BBS9: variants seen among roughly 807,000 people sequenced by gnomAD.
BBS9 encodes Bardet-Biedl syndrome 9.
Under a neutral mutation model 117.7 loss-of-function variants are expected in BBS9, and 89 were observed. The observed-to-expected ratio is 0.76, with a 90% confidence interval of 0.64 to 0.90. BBS9 has a LOEUF of 0.90. Ranked by LOEUF, BBS9 falls within the 40% of genes least tolerant of loss-of-function variation. The probability of loss-of-function intolerance (pLI) is 0.00; values close to 1 mark genes in which losing one functional copy is unlikely to be tolerated. For synonymous variants in BBS9, 379 were observed against 370.9 expected (o/e 1.02, Z -0.25); for missense variants, 982 against 1,042.2 (o/e 0.94, Z 0.80).
chr7:33,438,135 C>A (rs961633293), intron 19 of BBS9, among the ~76,000 whole-genome samples: 2 of 152,026 alleles, frequency 1.3e-5, no homozygotes, highest in African/African-American at 2.4e-5. Context: ...AATTGGCTAT[C>A]TATATATAAA....
chr7:33,299,510 T>C (rs1805939523), intron 9 of BBS9, among the ~76,000 whole-genome samples: 1 of 150,344 alleles, frequency 6.7e-6, no homozygotes, highest in African/African-American at 2.4e-5. Context: ...CTTATTATGA[T>C]AATGTTCTCT....
intron 5 of BBS9, among the ~76,000 whole-genome samples, chr7:33,249,158 T>G (rs1359273844): frequency 6.6e-6 from 1 of 151,976 alleles, no homozygotes; most frequent in Non-Finnish European, 1.5e-5. Context: ...GAGGCCCTTG[T>G]TGCCATAATA....
intron 18 of BBS9, among the ~76,000 whole-genome samples, chr7:33,386,065 G>A (rs1825949866): frequency 6.6e-6 from 1 of 151,956 alleles, no homozygotes; most frequent in Non-Finnish European, 1.5e-5. Context: ...CACCGACATG[G>A]CACATGTATA....
In BBS9 at chr7:33,181,096, G is replaced by A. The variant is rs183126710; in HGVS notation, c.442+3505G>A. ...GTGAGTGGGTCCTATCTGCGATTCC[G>A]TGGTCACCTCATATGGCTTAGGGAG... On this transcript the variant is annotated intron_variant, in intron 5 of 22. Transcript: ENST00000242067. 4.6e-5 allele frequency among the ~76,000 whole-genome samples: 7 copies of A among 152,240 alleles called. No individual in the cohort carries two copies. The East Asian group carries it at 5.8e-4, about 13-fold the overall frequency.
At chr7:33,565,189 G>T (rs1314572447) in intron 21 of BBS9, among the ~76,000 whole-genome samples, 1 of 152,106 alleles carries the variant, frequency 6.6e-6, no homozygotes, top group East Asian at 1.9e-4. Flanking sequence ...AATCTTCATT[G>T]TCTTCTGTCC....
intron 20 of BBS9, among the ~76,000 whole-genome samples, chr7:33,527,867 A>G (rs1849887707): frequency 6.6e-6 from 1 of 152,196 alleles, no homozygotes; most frequent in Admixed American, 6.5e-5. Context: ...CAAGCAAATA[A>G]TATTTGGAAA....
chr7:33,308,539 G>A (rs911285960), intron 9 of BBS9, among the ~76,000 whole-genome samples: 13 of 152,174 alleles, frequency 8.5e-5, no homozygotes, highest in African/African-American at 2.9e-4. Context: ...ACGGTCTGAT[G>A]TTTGGCAGCT....
At chr7:33,612,025 G>A (rs553657357) in intron 21 of BBS9, among the ~76,000 whole-genome samples, 2 of 151,324 alleles carry the variant, frequency 1.3e-5, no homozygotes, top group South Asian at 4.2e-4. Context: ...CAGTGGCACT[G>A]GCTCATGTCA....
chr7:33,397,354 AC>A (rs1204716155), intron 19 of BBS9, among the ~76,000 whole-genome samples: 1 of 152,146 alleles, frequency 6.6e-6, no homozygotes, highest in Non-Finnish European at 1.5e-5. Context: ...AAAAAGGAAC[AC>A]TTTTATACGT....
chr7:33,608,008 A>T (rs985792199), downstream of BBS9, among the ~76,000 whole-genome samples: 5 of 151,884 alleles, frequency 3.3e-5, no homozygotes, highest in African/African-American at 1.2e-4. Context: ...CCAGGTACTA[A>T]GCATAGTACC....
In BBS9 at chr7:33,410,831, C is replaced by T. The variant is rs182695334; in HGVS notation, c.2115+22687C>T. Reference sequence around the variant, plus strand: ...GTTTATCCCAACATAGACCTGCCTCCTACAACTTTTCTTTGTGTTTCTCTT... The same window carrying T: ...GTTTATCCCAACATAGACCTGCCTCTTACAACTTTTCTTTGTGTTTCTCTT... On this transcript the variant is annotated intron_variant, in intron 19 of 22. Coordinates refer to ENST00000242067, the MANE Select transcript of BBS9 (RefSeq NM_198428.3). Among the ~76,000 whole-genome samples, 3 of 152,106 alleles carry T rather than the reference C, an allele frequency of 2.0e-5. No homozygotes were observed. The East Asian group carries it at 5.8e-4, about 29-fold the overall frequency.
chr7:33,514,873 G>A (rs953275787), intron 20 of BBS9, among the ~76,000 whole-genome samples: 1 of 152,074 alleles, frequency 6.6e-6, no homozygotes, highest in Admixed American at 6.5e-5. Flanking sequence ...GCTAAATGCT[G>A]TAAAAACTGC....
At chr7:33,536,280 C>T (rs1851357257) in intron 21 of BBS9, among the ~76,000 whole-genome samples, 1 of 151,902 alleles carries the variant, frequency 6.6e-6, no homozygotes, top group Admixed American at 6.6e-5. Context: ...GCTTGCCACT[C>T]TGTGGTTGAG....
At chr7:33,222,939 C>A (rs1417766197) in intron 5 of BBS9, among the ~76,000 whole-genome samples, 1 of 147,736 alleles carries the variant, frequency 6.8e-6, no homozygotes. Context: ...GGCAACAGAG[C>A]AAGACCCTGT....
At chr7:33,547,988 C>T (rs572498189) in intron 21 of BBS9, among the ~76,000 whole-genome samples, 1 of 151,984 alleles carries the variant, frequency 6.6e-6, no homozygotes, top group East Asian at 1.9e-4. Context: ...GAAAGGTCTA[C>T]CATCAAAGAC....
At chr7:33,587,621 G>T (rs1861146089) in intron 21 of BBS9, among the ~76,000 whole-genome samples, 1 of 152,188 alleles carries the variant, frequency 6.6e-6, no homozygotes, top group Middle Eastern at 3.4e-3. Context: ...GCTGGGGTTA[G>T]TCCAATTGTT....
At chr7:33,172,335 C>A (rs185505547) in intron 4 of BBS9, among the ~76,000 whole-genome samples, 2 of 150,612 alleles carry the variant, frequency 1.3e-5, no homozygotes, top group East Asian at 4.0e-4. Context: ...GAGCCAAGAT[C>A]GTGCCACTGC....
At chr7:33,352,323 A>G (rs1818819090) in intron 14 of BBS9, among the ~76,000 whole-genome samples, 1 of 151,326 alleles carries the variant, frequency 6.6e-6, no homozygotes, top group Non-Finnish European at 1.5e-5. Flanking sequence ...AATTTAGAAG[A>G]TTACTAATCA....
intron 15 of BBS9, among the ~76,000 whole-genome samples, chr7:33,355,546 G>A (rs1462825398): frequency 2.0e-5 from 3 of 151,814 alleles, no homozygotes; most frequent in Non-Finnish European, 2.9e-5. Context: ...TATTAAGTAT[G>A]AGTGTCATCA....
Sources: allele counts gnomAD v4.1 joint callset (sites outside exome capture counted in the v4.1 genomes callset), GRCh38; gene constraint gnomAD v4.1.1; transcripts MANE v1.5; gene names NCBI Gene and HGNC (gene_info 2026-07-23, HGNC 2026-07-21).